The following ARHGEF28 variants were observed in gnomAD, a reference collection of about 807,000 sequenced individuals.
ARHGEF28 encodes 190 kDa guanine nucleotide exchange factor.
In ARHGEF28, 152 loss-of-function variants were observed where a neutral mutation model predicts 206.6. The observed-to-expected ratio is 0.74, with a 90% CI of 0.64 to 0.84. The LOEUF is 0.84. Among genes scored for constraint, ARHGEF28 ranks in the 40% least tolerant of loss-of-function variants. The probability of loss-of-function intolerance (pLI) is 0.00; values close to 1 mark genes in which losing one functional copy is unlikely to be tolerated. For synonymous variants in ARHGEF28, 763 were observed against 776.4 expected (o/e 0.98, Z 0.29); for missense variants, 2,028 against 2,073.2 (o/e 0.98, Z 0.42).
chr5:73,821,785 T>G (rs1756604641), intron 9 of ARHGEF28, among the ~76,000 whole-genome samples: 1 of 152,176 alleles, frequency 6.6e-6, no homozygotes, highest in African/African-American at 2.4e-5. Context: ...AATCTAATCA[T>G]GCCGAAGTCC....
intron 9 of ARHGEF28, among the ~76,000 whole-genome samples, chr5:73,798,312 G>C (rs2046550): frequency 0.087 from 13,305 of 152,110 alleles, 1,105 homozygotes; most frequent in East Asian, 0.23. Flanking sequence ...CAAATAGTAG[G>C]TCTTATTCAT....
chr5:73,897,005 G>A (rs1430300919), intron 29 of ARHGEF28, among the ~76,000 whole-genome samples: 1 of 152,200 alleles, frequency 6.6e-6, no homozygotes, highest in East Asian at 1.9e-4. Context: ...ATCAGAGTGA[G>A]GGAGTTATCT....
chr5:73,909,258 C>T (rs1412118091), intron 33 of ARHGEF28, 154 bp from the exon 34 acceptor site: 2 of 1,148,958 alleles, frequency 1.7e-6, no homozygotes, highest in African/African-American at 3.1e-5. Flanking sequence ...CGCCAAAAAC[C>T]TTGCCTTTGG....
intron 4 of ARHGEF28, among the ~76,000 whole-genome samples, chr5:73,764,359 A>G (rs1164829513): frequency 6.6e-6 from 1 of 152,224 alleles, no homozygotes; most frequent in African/African-American, 2.4e-5. Flanking sequence ...GTGAAGGTCA[A>G]AAATTGAGTT....
At chr5:73,670,961 G>C (rs1035955720) in intron 1 of ARHGEF28, among the ~76,000 whole-genome samples, 1 of 152,038 alleles carries the variant, frequency 6.6e-6, no homozygotes, top group Non-Finnish European at 1.5e-5. Flanking sequence ...AAATTTTGAT[G>C]TCTGGCATGG....
intron 14 of ARHGEF28, among the ~76,000 whole-genome samples, chr5:73,857,087 C>T (rs889769636): frequency 1.3e-5 from 2 of 152,192 alleles, no homozygotes; most frequent in Non-Finnish European, 2.9e-5. Context: ...CTCTCCTCCA[C>T]AACCTAGAGA....
At chr5:73,781,585 A>C (rs1293639439) in intron 7 of ARHGEF28, among the ~76,000 whole-genome samples, 1 of 152,146 alleles carries the variant, frequency 6.6e-6, no homozygotes, top group African/African-American at 2.4e-5. Context: ...TAATAAACAG[A>C]AGTTTTCATT....
chr5:73,891,867 T>G (rs768774881), intron 26 of ARHGEF28, among the ~76,000 whole-genome samples, 185 bp from the exon 27 acceptor site: 13 of 152,174 alleles, frequency 8.5e-5, no homozygotes, highest in Non-Finnish European at 1.8e-4. Context: ...ATAATTCCTC[T>G]TTTTCCATCC....
chr5:73,665,963 TCAAAGTA>T (rs2112201604), intron 1 of ARHGEF28, among the ~76,000 whole-genome samples: 1 of 152,226 alleles, frequency 6.6e-6, no homozygotes, highest in East Asian at 1.9e-4. Flanking sequence ...ACTCAAAAGT[TCAAAGTA>T]CAAACTGTCA....
At chr5:73,841,721 A>G in intron 11 of ARHGEF28, among the ~76,000 whole-genome samples, 1 of 151,626 alleles carries the variant, frequency 6.6e-6, no homozygotes. Flanking sequence ...AGAAAAAAAA[A>G]AAAAAAAGAG....
intron 2 of ARHGEF28, among the ~76,000 whole-genome samples, chr5:73,717,224 A>G (rs895651591): frequency 3.9e-5 from 6 of 152,072 alleles, no homozygotes; most frequent in Non-Finnish European, 8.8e-5. Flanking sequence ...TAACAAAACA[A>G]ATTATTTAGT....
At chr5:73,670,250 G>C (rs930498319) in intron 1 of ARHGEF28, among the ~76,000 whole-genome samples, 1 of 152,142 alleles carries the variant, frequency 6.6e-6, no homozygotes, top group Non-Finnish European at 1.5e-5. Flanking sequence ...TATACAGACT[G>C]TAACCTTTAG....
intron 9 of ARHGEF28, among the ~76,000 whole-genome samples, chr5:73,795,712 A>G (rs914361469): frequency 6.6e-6 from 1 of 152,210 alleles, no homozygotes; most frequent in East Asian, 1.9e-4. Flanking sequence ...TCTCAGGTTC[A>G]GGTGAAGCAG....
intron 33 of ARHGEF28, chr5:73,905,035 G>A (rs1762469659): frequency 6.6e-6 from 1 of 152,338 alleles, no homozygotes; most frequent in Admixed American, 6.5e-5. Context: ...CCCTTAGGCT[G>A]GGGTCCCCAA....
At chr5:73,939,776 G>A (rs961205921) in intron 35 of ARHGEF28, among the ~76,000 whole-genome samples, 3 of 152,340 alleles carry the variant, frequency 2.0e-5, no homozygotes, top group Non-Finnish European at 1.5e-5. Flanking sequence ...AAGGCCACAA[G>A]CATTTGTGTC....
chr5:73,815,242 T>C (rs1475946457), intron 9 of ARHGEF28, among the ~76,000 whole-genome samples: 1 of 148,812 alleles, frequency 6.7e-6, no homozygotes, highest in Non-Finnish European at 1.5e-5. Context: ...AAAAACAAGC[T>C]CGTACACAAA....
intron 2 of ARHGEF28, among the ~76,000 whole-genome samples, chr5:73,693,747 C>T: frequency 6.6e-6 from 1 of 152,226 alleles, no homozygotes; most frequent in South Asian, 2.1e-4. Context: ...GTGTTTCTGC[C>T]ATTGTCAGTT....
intron 1 of ARHGEF28, among the ~76,000 whole-genome samples, chr5:73,658,659 G>T (rs1745383758): frequency 6.6e-6 from 1 of 152,094 alleles, no homozygotes; most frequent in African/African-American, 2.4e-5. Context: ...CACCACTGTG[G>T]TTCTTTTAAA....
rs758930587 is a variant in ARHGEF28 at position 73,887,584 on chromosome 5, T to C, written c.3311-19T>C. 1.3e-6 allele frequency: 2 copies of C among 1,527,726 alleles called. No homozygotes were observed. The highest frequency in any genetic ancestry group is 8.8e-7 in the Non-Finnish European group (1 of 1,131,428). 94.6% of individuals were successfully genotyped at this position (1,527,726 alleles called of 1,614,324 possible). A position where few individuals can be genotyped will look rare whatever the true frequency, so the allele number is the denominator to read the frequency against. On this transcript the variant is annotated intron_variant, in intron 25 of 35. Transcript: ENST00000513042. ...CTGTGGTTTGCTTCATTAATACTAGTAATGTTTTTTCTTTAAAGATATCCT... is the reference window on the plus strand; with the variant it reads ...CTGTGGTTTGCTTCATTAATACTAGCAATGTTTTTTCTTTAAAGATATCCT...
Sources: allele counts gnomAD v4.1 joint callset (sites outside exome capture counted in the v4.1 genomes callset), GRCh38; gene constraint gnomAD v4.1.1; transcripts MANE v1.5; gene names NCBI Gene and HGNC (gene_info 2026-07-23, HGNC 2026-07-21).